Variants in SRRM4 observed in about 807,000 individuals in gnomAD.
SRRM4 encodes serine/arginine repetitive matrix protein 4.
In SRRM4, 33 loss-of-function variants were observed where a neutral mutation model predicts 68.9. The ratio of observed to expected loss-of-function variants is 0.48; its 90% confidence interval spans 0.36 to 0.64. The LOEUF (loss-of-function observed/expected upper bound fraction) is 0.64. Ranked by LOEUF, SRRM4 falls within the 30% of genes least tolerant of loss-of-function variation. SRRM4 has a pLI of 0.00. For synonymous variants in SRRM4, 318 were observed against 318.8 expected (o/e 1.00, Z 0.03); for missense variants, 817 against 827.1 (o/e 0.99, Z 0.15).
intron 8 of SRRM4, among the ~76,000 whole-genome samples, chr12:119,134,999 C>G (rs1446173747): frequency 6.6e-6 from 1 of 152,080 alleles, no homozygotes; most frequent in Admixed American, 6.6e-5. Context: ...CATTTGGTAC[C>G]TAAAACAGTT....
chr12:119,101,356 G>A (rs1213237877), intron 1 of SRRM4, among the ~76,000 whole-genome samples: 5 of 152,174 alleles, frequency 3.3e-5, no homozygotes, highest in Middle Eastern at 6.8e-3. Flanking sequence ...AAAGACGTGG[G>A]ACTCATAGAC....
At chr12:118,986,770 C>T (rs1184929698) in intron 1 of SRRM4, among the ~76,000 whole-genome samples, 2 of 152,072 alleles carry the variant, frequency 1.3e-5, no homozygotes, top group Admixed American at 1.3e-4. Context: ...TTACCTCCAC[C>T]ACTGCTCCAG....
chr12:119,148,659 G>T (rs1374718433), intron 9 of SRRM4, among the ~76,000 whole-genome samples: 1 of 152,202 alleles, frequency 6.6e-6, no homozygotes, highest in Admixed American at 6.5e-5. Context: ...GAGAAACTCA[G>T]TTAATAAGTG....
chr12:119,104,392 C>A (rs77285678), intron 2 of SRRM4, among the ~76,000 whole-genome samples: 38 of 151,580 alleles, frequency 2.5e-4, no homozygotes, highest in African/African-American at 8.5e-4. Flanking sequence ...TGTGACTGAC[C>A]CTCTGATGTG....
At chr12:119,048,414 A>G (rs1953721063) in intron 1 of SRRM4, among the ~76,000 whole-genome samples, 1 of 152,224 alleles carries the variant, frequency 6.6e-6, no homozygotes, top group African/African-American at 2.4e-5. Flanking sequence ...GGAGCTAGAT[A>G]ACACACTAAG....
chr12:119,008,781 CG>C (rs1361982430), intron 1 of SRRM4, among the ~76,000 whole-genome samples: 2 of 152,150 alleles, frequency 1.3e-5, no homozygotes, highest in African/African-American at 4.8e-5. Context: ...CCAGAGCCAA[CG>C]GGCCGCCCCT....
intron 1 of SRRM4, among the ~76,000 whole-genome samples, chr12:119,042,159 T>G (rs11615880): frequency 0.037 from 5,642 of 152,136 alleles, 183 homozygotes; most frequent in East Asian, 0.13. Flanking sequence ...TCAAGTCTCC[T>G]GACTCCCAGG....
At chr12:118,990,312 A>C (rs989942327) in intron 1 of SRRM4, among the ~76,000 whole-genome samples, 1 of 152,194 alleles carries the variant, frequency 6.6e-6, no homozygotes, top group Non-Finnish European at 1.5e-5. Flanking sequence ...CAACCAGGGG[A>C]GTCTCTAGAT....
chr12:118,992,848 C>T (rs980017257), intron 1 of SRRM4, among the ~76,000 whole-genome samples: 1 of 152,130 alleles, frequency 6.6e-6, no homozygotes, highest in African/African-American at 2.4e-5. Flanking sequence ...AGTGCCAAAG[C>T]TGTAGCTAAA....
intron 4 of SRRM4, among the ~76,000 whole-genome samples, chr12:119,118,249 G>A (rs1280005637): frequency 1.3e-5 from 2 of 152,214 alleles, no homozygotes; most frequent in East Asian, 1.9e-4. Context: ...AGTGAGCTGC[G>A]GATAATGGGA....
intron 4 of SRRM4, among the ~76,000 whole-genome samples, chr12:119,118,646 C>T (rs1288452564): frequency 6.6e-6 from 1 of 152,178 alleles, no homozygotes; most frequent in Non-Finnish European, 1.5e-5. Context: ...AGGCAATGGC[C>T]CACACTTATG....
intron 1 of SRRM4, among the ~76,000 whole-genome samples, chr12:119,073,818 A>T (rs1273106294): frequency 6.6e-6 from 1 of 151,744 alleles, no homozygotes; most frequent in African/African-American, 2.4e-5. Flanking sequence ...AAATAGACAT[A>T]GGTCTCGCTA....
rs547204011 is a variant in SRRM4, at chr12:118,983,350, A to T, written c.131+1337A>T. Among the ~76,000 whole-genome samples, 242 of 152,344 alleles carry T rather than the reference A, an allele frequency of 1.6e-3. 1 individual carries two copies. Among genetic ancestry groups the T allele is most frequent in the African/African-American group, 5.7e-3 (238 of 41,580 alleles). On this transcript the variant is annotated intron_variant, in intron 1 of 12. Coordinates refer to ENST00000267260, the MANE Select transcript of SRRM4 (RefSeq NM_194286.4). ...GCAGGCTTCAAGCTAAAGCAGCACC[A>T]GCCAGTGTTTGCAGACGGGAAGGAG...
At chr12:118,991,508 C>T (rs962023783) in intron 1 of SRRM4, among the ~76,000 whole-genome samples, 1 of 152,190 alleles carries the variant, frequency 6.6e-6, no homozygotes, top group African/African-American at 2.4e-5. Context: ...GCATACCTCT[C>T]CTAACGGTTG....
chr12:119,119,050 A>ATTTTT (rs34814921), intron 4 of SRRM4, among the ~76,000 whole-genome samples: 68 of 135,748 alleles, frequency 5.0e-4, no homozygotes, highest in African/African-American at 1.8e-3. Flanking sequence ...AAGCACTGAG[A>ATTTTT]TTTTTTTTTT....
chr12:119,078,815 A>G (rs960166980), intron 1 of SRRM4, among the ~76,000 whole-genome samples: 4 of 152,196 alleles, frequency 2.6e-5, no homozygotes, highest in Non-Finnish European at 5.9e-5. Flanking sequence ...CTGTAGTCCC[A>G]GCTACTCTGG....
intron 1 of SRRM4, among the ~76,000 whole-genome samples, chr12:118,984,050 T>C (rs1274653359): frequency 1.3e-5 from 2 of 152,124 alleles, no homozygotes; most frequent in Non-Finnish European, 2.9e-5. Flanking sequence ...ACTTCTGTAA[T>C]AGGCGTGGCC....
intron 1 of SRRM4, among the ~76,000 whole-genome samples, chr12:119,022,351 C>A (rs2136002246): frequency 1.3e-5 from 2 of 152,278 alleles, no homozygotes; most frequent in Middle Eastern, 3.4e-3. Flanking sequence ...GGTCTAGATG[C>A]TAAGGATTCA....
intron 1 of SRRM4, among the ~76,000 whole-genome samples, chr12:119,082,492 A>C (rs868792727): frequency 1.2e-4 from 19 of 152,174 alleles, no homozygotes; most frequent in African/African-American, 4.6e-4. Flanking sequence ...CTTCTTTTAA[A>C]TTGCAACAAA....
Sources: gnomAD v4.1 joint callset for allele counts (sites outside exome capture counted in the v4.1 genomes callset) on GRCh38, gnomAD v4.1.1 for gene constraint, MANE v1.5 for transcripts, NCBI Gene and HGNC (gene_info 2026-07-23, HGNC 2026-07-21) for gene names.